The following PCDHGA3 variants were observed in gnomAD, a reference collection of about 807,000 sequenced individuals.
The protein encoded by PCDHGA3 is protocadherin gamma subfamily A, 3, also known as protocadherin gamma-A3.
A neutral mutation model predicts 58.5 loss-of-function variants in PCDHGA3; 40 were observed. That is an observed-to-expected ratio of 0.68 (90% CI 0.53 to 0.89). The LOEUF is 0.89. Among genes scored for constraint, PCDHGA3 ranks in the 40% least tolerant of loss-of-function variants. The probability of loss-of-function intolerance (pLI) is 0.00; values close to 1 mark genes in which losing one functional copy is unlikely to be tolerated. For missense variants in PCDHGA3, 1,223 were observed against 1,195.9 expected, an observed-to-expected ratio of 1.02 and a Z score of -0.33; for synonymous variants, 530 against 525.7, an observed-to-expected ratio of 1.01 and a Z score of -0.11.
At chr5:141,360,789 A>T (rs780273649) in intron 1 of PCDHGA3, 15 of 1,613,940 alleles carry the variant, frequency 9.3e-6, no homozygotes, top group Non-Finnish European at 1.2e-5. Context: ...TGGATGGCGG[A>T]GACCCACCTC....
chr5:141,476,091 G>A lies in PCDHGA3; in HGVS notation c.2425-18716G>A. The A allele has an allele frequency of 2.6e-6, 4 of 1,563,192 alleles. No individual in the cohort carries two copies. The highest frequency in any genetic ancestry group is 3.5e-6 in the Non-Finnish European group (4 of 1,159,278). On this transcript the variant is annotated intron_variant, in intron 1 of 3. Transcript: ENST00000253812. The surrounding 1 kb of genome is among the most constrained non-coding windows in gnomAD (Gnocchi z 7.6). ...AAATCTCAGGGACGATCTGGACCCCGCTGAGAGGAACTGCTTTTGAGTGAG... is the reference window on the plus strand; with the variant it reads ...AAATCTCAGGGACGATCTGGACCCCACTGAGAGGAACTGCTTTTGAGTGAG...
intron 1 of PCDHGA3, among the ~76,000 whole-genome samples, chr5:141,449,281 G>A (rs1051064124): frequency 6.6e-6 from 1 of 151,946 alleles, no homozygotes; most frequent in Non-Finnish European, 1.5e-5. Context: ...TCCTTCACCC[G>A]GATGCACCGG....
chr5:141,407,807 T>G (rs916388568), intron 1 of PCDHGA3, among the ~76,000 whole-genome samples: 1 of 152,202 alleles, frequency 6.6e-6, no homozygotes, highest in African/African-American at 2.4e-5. Context: ...CATAGAAATA[T>G]CTACTATAAT....
chr5:141,440,535 G>C (rs1305958587), intron 1 of PCDHGA3: 1 of 152,154 alleles, frequency 6.6e-6, no homozygotes, highest in African/African-American at 2.4e-5. Flanking sequence ...CATGCACCAC[G>C]GTTCAGCAGG....
chr5:141,472,928 G>A (rs926768431), intron 1 of PCDHGA3, among the ~76,000 whole-genome samples: 13 of 150,136 alleles, frequency 8.7e-5, no homozygotes, highest in Admixed American at 2.7e-4. Flanking sequence ...GGAGGTTGTG[G>A]TGAGCCAAGA....
intron 1 of PCDHGA3, 70 bp downstream of exon 1, chr5:141,346,527 A>G: frequency 4.4e-6 from 7 of 1,581,396 alleles, no homozygotes; most frequent in Non-Finnish European, 6.0e-6. Flanking sequence ...GCTTTAACAC[A>G]TATGTATTTG....
At chr5:141,492,495 G>A (rs750427038) in intron 1 of PCDHGA3, among the ~76,000 whole-genome samples, 65 of 152,186 alleles carry the variant, frequency 4.3e-4, no homozygotes, top group Non-Finnish European at 6.0e-4. Context: ...ACCAGGCGAG[G>A]ACTCCGGAGC....
At chr5:141,385,514 G>C (rs928847931) in intron 1 of PCDHGA3, 3 of 1,363,488 alleles carry the variant, frequency 2.2e-6, no homozygotes, top group Non-Finnish European at 2.8e-6. Context: ...TTTAGTGAAA[G>C]CCTATGGACA....
At chr5:141,369,414 C>T (rs1245319622) in intron 1 of PCDHGA3, among the ~76,000 whole-genome samples, 1 of 152,114 alleles carries the variant, frequency 6.6e-6, no homozygotes, top group African/African-American at 2.4e-5. Context: ...TGACTATAAT[C>T]CCAGCAATTT....
Position 141,427,474 on chromosome 5 carries a change from A to T in PCDHGA3, c.2425-67333A>T, listed in dbSNP as rs373512099. On this transcript the variant is annotated intron_variant, in intron 1 of 3. Transcript: ENST00000253812. The stretch of plus-strand genomic sequence containing the variant: ...CCTTTTAGAATCGAATCTTCCGCCA[A>T]TAATGACTATAAGCTTGTAACAGAT... 10 of 520,294 alleles carry T rather than the reference A, an allele frequency of 1.9e-5. No individual in the cohort carries two copies. In the East Asian group the frequency reaches 2.1e-4, roughly 11 times the overall value. The allele number at this position is 520,294 out of a possible 1,614,324, so 32.2% of individuals were successfully genotyped here. A position where few individuals can be genotyped will look rare whatever the true frequency, so the allele number is the denominator to read the frequency against.
intron 1 of PCDHGA3, chr5:141,433,086 C>A (rs747501244): frequency 1.9e-6 from 3 of 1,614,208 alleles, no homozygotes; most frequent in African/African-American, 2.7e-5. Context: ...CCCAACTATG[C>A]AGACATGCTC....
At position 141,356,877 on chromosome 5, in the gene PCDHGA3, C is replaced by G. The variant is rs1285670613; in HGVS notation, c.2424+10420C>G. ...TTGTGCTGGACCAGAACGACAATGTCCCTGAGATCCTGTACCCCACCTTCC... is the reference window on the plus strand; with the variant it reads ...TTGTGCTGGACCAGAACGACAATGTGCCTGAGATCCTGTACCCCACCTTCC... On this transcript the variant is annotated intron_variant, in intron 1 of 3. Transcript: ENST00000253812. 2.5e-6 allele frequency: 4 copies of G among 1,614,196 alleles called. No homozygotes were observed. In the South Asian group the frequency reaches 4.4e-5, roughly 18 times the overall value.
chr5:141,424,319 G>A (rs1014361496), intron 1 of PCDHGA3: 1 of 152,006 alleles, frequency 6.6e-6, no homozygotes, highest in African/African-American at 2.4e-5. Context: ...ATATTGACTG[G>A]CTTTTAACTA....
rs767521224 is a variant in PCDHGA3 at position 141,431,148 on chromosome 5, C to T, written c.2425-63659C>T. 3.7e-6 allele frequency: 6 copies of T among 1,614,146 alleles called. No homozygotes were observed. Among genetic ancestry groups the T allele is most frequent in the Admixed American group, 1.7e-5 (1 of 60,030 alleles). On this transcript the variant is annotated intron_variant, in intron 1 of 3. Coordinates refer to ENST00000253812, the MANE Select transcript of PCDHGA3 (RefSeq NM_018916.4). The surrounding 1 kb of genome is among the most constrained non-coding windows in gnomAD (Gnocchi z 4.8). Reference sequence around the variant, plus strand: ...GAAGTAAGGGACATTAACGACAATGCGCCTTACTTTCGTGAAAGTGAATTA... The same window carrying T: ...GAAGTAAGGGACATTAACGACAATGTGCCTTACTTTCGTGAAAGTGAATTA...
In PCDHGA3 at chr5:141,487,000, G is replaced by A. The variant is rs1410493699; in HGVS notation, c.2425-7807G>A. On this transcript the variant is annotated intron_variant, in intron 1 of 3. Transcript: ENST00000253812. The surrounding 1 kb of genome is among the most constrained non-coding windows in gnomAD (Gnocchi z 5.0). ...GTTACAATGCTTGGGTTTCCTATCA[G>A]CTCCTGGAGGCCCCAGATCCCAGCC... The A allele has an allele frequency of 6.2e-7, 1 of 1,614,194 alleles. No homozygotes were observed. The highest frequency in any genetic ancestry group is 8.5e-7 in the Non-Finnish European group (1 of 1,180,036).
chr5:141,415,740 G>GTTTTTTTTTTTTTTTTTTTTTTT (rs57426385), intron 1 of PCDHGA3: 14 of 625,046 alleles, frequency 2.2e-5, no homozygotes, highest in East Asian at 1.4e-4. Flanking sequence ...GTTTATTAAG[G>GTTTTTTTTTTTTTTTTTTTTTTT]TTTTTTTTTT....
intron 1 of PCDHGA3, among the ~76,000 whole-genome samples, chr5:141,434,467 T>C (rs1397980716): frequency 6.6e-6 from 1 of 152,226 alleles, no homozygotes; most frequent in Non-Finnish European, 1.5e-5. Flanking sequence ...TTTACCGGAA[T>C]GAGGGCAAGG....
At chr5:141,430,573 A>C (rs938248057) in intron 1 of PCDHGA3, 8 of 448,940 alleles carry the variant, frequency 1.8e-5, no homozygotes, top group Non-Finnish European at 3.0e-5. Context: ...AGAAAAGCGG[A>C]GATCCTGCTC....
chr5:141,485,930 G>A lies in PCDHGA3; in HGVS notation c.2425-8877G>A. ...ATCCAGCTACAGGATTAGTGTGTTG[G>A]AGAGCGCACCAGCGGGCATGGTGCT... On this transcript the variant is annotated intron_variant, in intron 1 of 3. Transcript: ENST00000253812. This position sits in a 1 kb window ranked among gnomAD's most constrained non-coding sequence, Gnocchi z 5.7. The A allele has an allele frequency of 6.2e-7, 1 of 1,614,178 alleles. No homozygotes were observed. Among genetic ancestry groups the A allele is most frequent in the Non-Finnish European group, 8.5e-7 (1 of 1,180,042 alleles).
Sources: gnomAD v4.1 joint callset for allele counts (sites outside exome capture counted in the v4.1 genomes callset) on GRCh38, gnomAD v4.1.1 for gene constraint, Gnocchi (gnomAD v3.1) non-coding constraint, MANE v1.5 for transcripts, NCBI Gene and HGNC (gene_info 2026-07-23, HGNC 2026-07-21) for gene names.